The following C1orf159 variants were observed in gnomAD, a reference collection of about 807,000 sequenced individuals.
C1orf159 encodes the protein chromosome 1 open reading frame 159.
In C1orf159, 19 loss-of-function variants were observed where a neutral mutation model predicts 25.6. That is an observed-to-expected ratio of 0.74 (90% confidence interval 0.52 to 1.09). C1orf159 has a LOEUF of 1.09. Ranked by LOEUF, C1orf159 falls within the 50% of genes least tolerant of loss-of-function variation. The probability of loss-of-function intolerance (pLI) is 0.00; values close to 1 mark genes in which losing one functional copy is unlikely to be tolerated. For synonymous variants in C1orf159, 139 were observed against 124.7 expected, an observed-to-expected ratio of 1.12 and a Z score of -0.77; for missense variants, 274 against 290.6, an observed-to-expected ratio of 0.94 and a Z score of 0.42.
At chr1:1,091,046 C>T (rs528020417) in intron 3 of C1orf159, 1 of 1,364,524 alleles carries the variant, frequency 7.3e-7, no homozygotes. Flanking sequence ...AGAATCCACA[C>T]CGCCAGGGAG....
At chr1:1,100,518 G>T (rs1318541149) in intron 1 of C1orf159, among the ~76,000 whole-genome samples, 1 of 152,112 alleles carries the variant, frequency 6.6e-6, no homozygotes, top group Non-Finnish European at 1.5e-5. Context: ...CAAAGTCCAT[G>T]GTTGACACGA....
chr1:1,084,893 C>T (rs1335999258), intron 7 of C1orf159, among the ~76,000 whole-genome samples: 1 of 152,128 alleles, frequency 6.6e-6, no homozygotes, highest in Non-Finnish European at 1.5e-5. Flanking sequence ...GCCTCAGGCA[C>T]GAGGTGGCTT....
At position 1,110,872 on chromosome 1, in the gene C1orf159, G is replaced by A. The variant is rs1012530073; in HGVS notation, c.-136+5188C>T. Among the ~76,000 whole-genome samples the A allele has an allele frequency of 4.6e-5, 7 of 152,196 alleles. No homozygotes were observed. Among genetic ancestry groups the A allele is most frequent in the South Asian group, 4.1e-4 (2 of 4,828 alleles). On this transcript the variant is annotated intron_variant, in intron 1 of 9. Transcript: ENST00000421241. This position sits in a 1 kb window ranked among gnomAD's most constrained non-coding sequence, Gnocchi z 4.8. Reference sequence around the variant, plus strand: ...AGCCGTGGCAGACGCAAAACCGCCCGCACGTGTGACTCCTAACACTCAGAG... The same window carrying A: ...AGCCGTGGCAGACGCAAAACCGCCCACACGTGTGACTCCTAACACTCAGAG...
chr1:1,087,748 C>T lies in C1orf159; in HGVS notation c.149-151G>A. On this transcript the variant is annotated intron_variant, in intron 4 of 9. Coordinates refer to ENST00000421241, the MANE Select transcript of C1orf159 (RefSeq NM_017891.5). The surrounding 1 kb of genome is among the most constrained non-coding windows in gnomAD (Gnocchi z 8.3). ...GGTAGGTGGGCGGCAGACAAGGACA[C>T]CCCCAGGGAGCATGGCGGGGCCGTG... 2 of 643,182 alleles carry T rather than the reference C, an allele frequency of 3.1e-6. No individual in the cohort carries two copies. The highest frequency in any genetic ancestry group is 5.4e-6 in the Non-Finnish European group (2 of 370,044). The allele number at this position is 643,182 out of a possible 1,614,324, so 39.8% of individuals were successfully genotyped here.
chr1:1,083,009 C>T (rs1570295526), intron 9 of C1orf159, 22 bp from the exon 10 acceptor site: 2 of 1,565,954 alleles, frequency 1.3e-6, no homozygotes, highest in Admixed American at 1.8e-5. Context: ...CAGAGACAGG[C>T]GAGGTCAGAG....
rs547897064 is a variant in C1orf159, at chr1:1,084,016, A to G, written c.502+337T>C. On this transcript the variant is annotated intron_variant, in intron 9 of 9. Transcript: ENST00000421241. ...TGCGTCTGTCCTCGGGTGGAGCTGG[A>G]CTTCAAGGAGGAGCAGGTATTGGGG... 5 of 1,606,314 alleles carry G rather than the reference A, an allele frequency of 3.1e-6. No homozygotes were observed. The African/African-American group carries it at 5.3e-5, about 17-fold the overall frequency.
rs2100736508 is a variant in C1orf159 at position 1,082,785 on chromosome 1, G to A, written c.*108C>T. 9.6e-7 allele frequency: 1 copy of A among 1,042,020 alleles called. No homozygotes were observed. Among genetic ancestry groups the A allele is most frequent in the Admixed American group, 2.0e-5 (1 of 49,618 alleles). 64.5% of individuals were successfully genotyped at this position (1,042,020 alleles called of 1,614,324 possible). A position where few individuals can be genotyped will look rare whatever the true frequency, so the allele number is the denominator to read the frequency against. On this transcript the variant is annotated 3_prime_UTR_variant, in exon 10 of 10. Coordinates refer to ENST00000421241, the MANE Select transcript of C1orf159 (RefSeq NM_017891.5). ...GGACTCAGAGCCGAGGCTGTGCCCA[G>A]GACTGTCCCGGGCGCCGGGCGATGC...
At chr1:1,108,173 G>A (rs1223479041) in intron 1 of C1orf159, among the ~76,000 whole-genome samples, 18 of 144,286 alleles carry the variant, frequency 1.2e-4, no homozygotes, top group East Asian at 6.3e-4. Context: ...CCATGTCTCA[G>A]CACCGTTCAC....
At chr1:1,098,880 T>G (rs1328174263) in intron 1 of C1orf159, among the ~76,000 whole-genome samples, 1 of 152,172 alleles carries the variant, frequency 6.6e-6, no homozygotes, top group Non-Finnish European at 1.5e-5. Flanking sequence ...CCAAAGTGCC[T>G]GGATTACAAG....
chr1:1,089,593 C>T lies in C1orf159; in HGVS notation c.148+760G>A, dbSNP rs537577708. 1.8e-3 allele frequency among the ~76,000 whole-genome samples: 274 copies of T among 152,284 alleles called. 1 individual carries two copies. The highest frequency in any genetic ancestry group is 0.01 in the South Asian group (49 of 4,828). On this transcript the variant is annotated intron_variant, in intron 4 of 9. Coordinates refer to ENST00000421241, the MANE Select transcript of C1orf159 (RefSeq NM_017891.5). This position sits in a 1 kb window ranked among gnomAD's most constrained non-coding sequence, Gnocchi z 7.5. ...GCTGCCACAGCCGCCGTCTTGACCA[C>T]GCCCTCCTCACGAGGCCCCTGAGTC... is the stretch of plus-strand genomic sequence containing the variant.
chr1:1,086,056 T>TGGCTCCTCGCCTGGCCCCCGGTGCCCCC, intron 6 of C1orf159, 44 bp from the exon 7 acceptor site: 2 of 1,604,624 alleles, frequency 1.2e-6, no homozygotes, highest in South Asian at 1.1e-5. Flanking sequence ...ACGGTGGCCC[T>TGGCTCCTCGCCTGGCCCCCGGTGCCCCC]GGCTCCTCGC....
chr1:1,091,668 G>T (rs543683117), intron 2 of C1orf159, 103 bp from the exon 3 acceptor site: 9 of 814,438 alleles, frequency 1.1e-5, no homozygotes, highest in Non-Finnish European at 1.8e-5. Context: ...GGGGGGGTGC[G>T]GGCCAAGGCA....
At chr1:1,086,065 G>A (rs928544930) in intron 6 of C1orf159, 53 bp from the exon 7 acceptor site, 29 of 1,597,670 alleles carry the variant, frequency 1.8e-5, no homozygotes, top group East Asian at 1.3e-4. Flanking sequence ...CTGGCTCCTC[G>A]CCTGGCCCCC....
intron 1 of C1orf159, among the ~76,000 whole-genome samples, chr1:1,113,208 A>C (rs2100781748): frequency 1.3e-5 from 2 of 152,230 alleles, no homozygotes; most frequent in East Asian, 3.9e-4. Context: ...AAAAAAAAAA[A>C]AAACTTGCCT....
At chr1:1,083,871 ACT>A (rs1471186179) in intron 9 of C1orf159, 4 of 1,505,494 alleles carry the variant, frequency 2.7e-6, no homozygotes, top group Admixed American at 3.9e-5. Flanking sequence ...TGCGCCGGTC[ACT>A]CAGCCTGTGT....
chr1:1,082,228 GGAGGA>G lies in C1orf159; in HGVS notation c.*660_*664del. On this transcript the variant is annotated 3_prime_UTR_variant, in exon 10 of 10. Coordinates refer to ENST00000421241, the MANE Select transcript of C1orf159 (RefSeq NM_017891.5). ...GATCCGAGCGGGGCCACAGAGCTCT[GGAGGA>G]CTTTTCTGCACAATGAATTTCTGCT... The G allele has an allele frequency of 6.5e-6, 1 of 153,542 alleles. No homozygotes were observed. The highest frequency in any genetic ancestry group is 1.5e-5 in the Non-Finnish European group (1 of 68,826). 9.5% of individuals were successfully genotyped at this position (153,542 alleles called of 1,614,324 possible).
intron 9 of C1orf159, chr1:1,083,808 A>T: frequency 9.6e-7 from 1 of 1,040,732 alleles, no homozygotes; most frequent in Non-Finnish European, 1.4e-6. Context: ...ACTTCTGCAC[A>T]GGGGGACGGA....
chr1:1,085,713 G>A (rs549082852), intron 7 of C1orf159, among the ~76,000 whole-genome samples, 165 bp downstream of exon 7: 2 of 152,314 alleles, frequency 1.3e-5, no homozygotes, highest in Non-Finnish European at 2.9e-5. Flanking sequence ...GGAAGTGACG[G>A]GCCTTCTCAC....
rs567869155 is a variant in C1orf159 at position 1,111,300 on chromosome 1, G to A, written c.-136+4760C>T. ...CCCATCATTTTGGGAGGCCAAGGTGGGAGGATCGCTTGAGCCCAGGAGTTC... is the reference window on the plus strand; with the variant it reads ...CCCATCATTTTGGGAGGCCAAGGTGAGAGGATCGCTTGAGCCCAGGAGTTC... On this transcript the variant is annotated intron_variant, in intron 1 of 9. Transcript: ENST00000421241. 8.7e-4 allele frequency among the ~76,000 whole-genome samples: 132 copies of A among 151,754 alleles called. No homozygotes were observed. In the Middle Eastern group the frequency reaches 0.031, roughly 35 times the overall value.
Sources: gnomAD v4.1 joint callset for allele counts (sites outside exome capture counted in the v4.1 genomes callset) on GRCh38, gnomAD v4.1.1 for gene constraint, Gnocchi (gnomAD v3.1) non-coding constraint, MANE v1.5 for transcripts, NCBI Gene and HGNC (gene_info 2026-07-23, HGNC 2026-07-21) for gene names.